KCNIP4: variants seen among roughly 807,000 people sequenced by gnomAD.
KCNIP4 encodes the protein Kv channel-interacting protein 4.
KCNIP4 carries 12 observed loss-of-function variants against 34.0 expected under a neutral mutation model. The observed-to-expected ratio is 0.35, with a 90% CI of 0.23 to 0.57. The LOEUF (loss-of-function observed/expected upper bound fraction) is 0.57. Among genes scored for constraint, KCNIP4 ranks in the 20% least tolerant of loss-of-function variants. The probability of loss-of-function intolerance (pLI) is 0.83; values close to 1 mark genes in which losing one functional copy is unlikely to be tolerated. For missense variants in KCNIP4, 238 were observed against 311.7 expected (o/e 0.76, Z 1.78); for synonymous variants, 124 against 102.2 (o/e 1.21, Z -1.29).
intron 3 of KCNIP4, among the ~76,000 whole-genome samples, chr4:20,805,223 G>T (rs1489474059): frequency 2.3e-5 from 3 of 129,250 alleles, no homozygotes; most frequent in Non-Finnish European, 4.8e-5. Flanking sequence ...TTTTAAAGAG[G>T]CAGGGTCTTT....
intron 1 of KCNIP4, among the ~76,000 whole-genome samples, chr4:21,678,305 A>ATTTTTTTTTTTTTTTTTTT (rs59561334): frequency 7.7e-5 from 9 of 117,600 alleles, no homozygotes; most frequent in Non-Finnish European, 1.0e-4. Flanking sequence ...TCTTCTTTTG[A>ATTTTTTTTTTTTTTTTTTT]TTTTTTTTTT....
intron 1 of KCNIP4, among the ~76,000 whole-genome samples, chr4:21,234,899 C>T (rs1011342097): frequency 5.3e-5 from 8 of 151,958 alleles, no homozygotes; most frequent in Non-Finnish European, 8.8e-5. Flanking sequence ...CCACCCGCCT[C>T]GGCCTCCCAA....
chr4:21,730,896 G>A (rs1271770748), intron 1 of KCNIP4, among the ~76,000 whole-genome samples: 1 of 151,934 alleles, frequency 6.6e-6, no homozygotes, highest in East Asian at 1.9e-4. Context: ...GCAAATAGCT[G>A]GAGTCGAGGA....
chr4:21,513,579 A>G (rs10805227), intron 1 of KCNIP4, among the ~76,000 whole-genome samples: 70,850 of 152,098 alleles, frequency 0.47, 17,155 homozygotes, highest in East Asian at 0.62. Flanking sequence ...TTAAATAATC[A>G]TCAGCATATT....
chr4:21,396,102 CTATA>C (rs1294715659), intron 1 of KCNIP4, among the ~76,000 whole-genome samples: 2 of 150,738 alleles, frequency 1.3e-5, no homozygotes, highest in Non-Finnish European at 3.0e-5. Context: ...GTAGAGTCTC[CTATA>C]TATAGTCTAT....
intron 1 of KCNIP4, among the ~76,000 whole-genome samples, chr4:21,611,468 G>T (rs1221662298): frequency 6.6e-6 from 1 of 152,108 alleles, no homozygotes; most frequent in Non-Finnish European, 1.5e-5. Flanking sequence ...GATACATGGG[G>T]ATTATGGAGA....
At chr4:21,332,042 A>G (rs1715691539) in intron 1 of KCNIP4, among the ~76,000 whole-genome samples, 1 of 152,094 alleles carries the variant, frequency 6.6e-6, no homozygotes. Flanking sequence ...GCAGTTTAAT[A>G]GCATTATTCA....
chr4:21,531,686 A>T (rs1280175126), intron 1 of KCNIP4, among the ~76,000 whole-genome samples: 1 of 151,932 alleles, frequency 6.6e-6, no homozygotes, highest in East Asian at 1.9e-4. Flanking sequence ...CTAAAGCTGC[A>T]GTTTCTTTAA....
At position 21,308,207 on chromosome 4, in the gene KCNIP4, C is replaced by A. The variant is rs546647191; in HGVS notation, c.62-425498G>T. Among the ~76,000 whole-genome samples the A allele has an allele frequency of 2.0e-5, 3 of 152,310 alleles. No homozygotes were observed. In the East Asian group the frequency reaches 5.8e-4, roughly 29 times the overall value. ...GGAAACCTAAATACTGGCTCCAAATCTTTGTCCTCGTTTGGATTACTTAAA... is the reference window on the plus strand; with the variant it reads ...GGAAACCTAAATACTGGCTCCAAATATTTGTCCTCGTTTGGATTACTTAAA... On this transcript the variant is annotated intron_variant, in intron 1 of 8. Coordinates refer to ENST00000382152, the MANE Select transcript of KCNIP4 (RefSeq NM_025221.6).
chr4:21,389,391 G>A (rs1722329353), intron 1 of KCNIP4, among the ~76,000 whole-genome samples: 1 of 151,398 alleles, frequency 6.6e-6, no homozygotes, highest in Admixed American at 6.6e-5. Context: ...CCATATTGGT[G>A]TGCTGCACCC....
intron 1 of KCNIP4, among the ~76,000 whole-genome samples, chr4:21,894,218 C>T (rs1727257699): frequency 6.6e-6 from 1 of 151,880 alleles, no homozygotes. Flanking sequence ...TGCCTGTAGT[C>T]CAAGACACTT....
At chr4:21,926,872 T>C (rs1041713799) in intron 1 of KCNIP4, among the ~76,000 whole-genome samples, 14 of 152,208 alleles carry the variant, frequency 9.2e-5, no homozygotes, top group Non-Finnish European at 1.9e-4. Flanking sequence ...GATAACCCTG[T>C]GGCCAGGTAT....
chr4:20,736,287 T>C (rs1298718605), intron 5 of KCNIP4, among the ~76,000 whole-genome samples: 2 of 152,236 alleles, frequency 1.3e-5, no homozygotes, highest in Non-Finnish European at 2.9e-5. Context: ...TGAGTTTCCA[T>C]TGTATATGTA....
At chr4:21,764,272 T>G (rs1467765306) in intron 1 of KCNIP4, among the ~76,000 whole-genome samples, 1 of 151,112 alleles carries the variant, frequency 6.6e-6, no homozygotes, top group African/African-American at 2.5e-5. Context: ...GGAGACAAAC[T>G]TTGAAGTTCA....
intron 1 of KCNIP4, among the ~76,000 whole-genome samples, chr4:20,968,649 C>T (rs1187846518): frequency 1.3e-5 from 2 of 151,898 alleles, no homozygotes; most frequent in Non-Finnish European, 2.9e-5. Context: ...AAGCTGGAAA[C>T]CATCATTCTC....
intron 3 of KCNIP4, among the ~76,000 whole-genome samples, chr4:20,820,356 C>T (rs1210818619): frequency 6.6e-6 from 1 of 152,070 alleles, no homozygotes; most frequent in African/African-American, 2.4e-5. Context: ...AAGCTGTGAG[C>T]AATGAACTAG....
At chr4:21,323,460 CATGAGT>C (rs1382305435) in intron 1 of KCNIP4, among the ~76,000 whole-genome samples, 1 of 152,010 alleles carries the variant, frequency 6.6e-6, no homozygotes, top group African/African-American at 2.4e-5. Flanking sequence ...TCTGTATCTT[CATGAGT>C]TAAATTGTTT....
chr4:21,247,203 A>T (rs1402574856), intron 1 of KCNIP4, among the ~76,000 whole-genome samples: 1 of 152,142 alleles, frequency 6.6e-6, no homozygotes, highest in Non-Finnish European at 1.5e-5. Context: ...GAAGATGAGC[A>T]ACTTGTTTAT....
At chr4:21,681,663 CAT>C (rs1750367055) in intron 1 of KCNIP4, among the ~76,000 whole-genome samples, 1 of 152,102 alleles carries the variant, frequency 6.6e-6, no homozygotes, top group Non-Finnish European at 1.5e-5. Context: ...ACCATTCTTG[CAT>C]TGCTGTAAAG....
Sources: allele counts gnomAD v4.1 joint callset (sites outside exome capture counted in the v4.1 genomes callset), GRCh38; gene constraint gnomAD v4.1.1; transcripts MANE v1.5; gene names NCBI Gene and HGNC (gene_info 2026-07-23, HGNC 2026-07-21).